Variants in ANKMY1 observed in about 807,000 individuals in gnomAD.
ANKMY1 encodes ankyrin repeat and MYND domain-containing protein 1.
Under a neutral mutation model 102.0 loss-of-function variants are expected in ANKMY1, and 98 were observed. That is an observed-to-expected ratio of 0.96 (90% confidence interval 0.82 to 1.14). The LOEUF is 1.14. ANKMY1 is among the 50% of genes most tolerant of loss of function. The pLI is 0.00. For missense variants in ANKMY1, 1,330 were observed against 1,347.6 expected, an observed-to-expected ratio of 0.99 and a Z score of 0.20; for synonymous variants, 582 against 559.9, an observed-to-expected ratio of 1.04 and a Z score of -0.56.
chr2:240,481,030 G>A lies in ANKMY1; in HGVS notation c.2953C>T (p.Arg985Cys), dbSNP rs762526200. 20 of 1,613,998 alleles carry A rather than the reference G, an allele frequency of 1.2e-5. No homozygotes were observed. The East Asian group carries it at 1.6e-4, about 13-fold the overall frequency. ...CTGCAGGTCAGGATCCCGTAGCAGC[G>A]AGGGCAGGGCAAGAGGCGGACCCCG... Reference protein sequence around the residue: ...SIGVRLLPCPRCYGILTCSKY... With the variant: ...SIGVRLLPCPCCYGILTCSKY... Residue 985 changes from arginine (R) to cysteine (C), a missense_variant, in exon 17 of 18, where the codon CGC (arginine) becomes TGC (cysteine). By Grantham distance (180) the Arg-to-Cys change is radical. Transcript: ENST00000401804.
Position 240,500,094 on chromosome 2 carries a change from G to A in ANKMY1, c.2670C>T (p.His890=), listed in dbSNP as rs1470150220. The change falls in exon 15 of 18, where the codon CAC becomes CAT. Residue 890 remains histidine, a synonymous_variant. Transcript: ENST00000401804. ...TCTCGCGCTCTGCTGGCATCAGCGT[G>A]TGGAAGGGGCAGCGGGCAATCCTCC... ...QDRRIARCPF[H]TLMPAERETF... is the part of the protein sequence containing the mutation. 6.2e-7 allele frequency: 1 copy of A among 1,609,464 alleles called. No homozygotes were observed. The highest frequency in any genetic ancestry group is 8.5e-7 in the Non-Finnish European group (1 of 1,178,268).
In ANKMY1 at chr2:240,482,239, C is replaced by T. The variant is rs116348675; in HGVS notation, c.2829G>A (p.Arg943=). Residue 943 remains arginine (R), a synonymous_variant, in exon 16 of 18, where the codon AGG becomes AGA. Coordinates refer to ENST00000401804, the MANE Select transcript of ANKMY1 (RefSeq NM_001282771.3). ...CKRAELIPSH[R]MKKKGPSLPR... is the part of the protein sequence containing the mutation. ...GCAGGCTGGGGCCCTTCTTCTTCAT[C>T]CTGTGGCTGGGGATCAGCTCCGCTG... 6.8e-3 allele frequency: 11,041 copies of T among 1,612,866 alleles called. 56 individuals are homozygous for T. The highest frequency in any genetic ancestry group is 8.0e-3 in the Non-Finnish European group (9,473 of 1,179,438).
At chr2:240,539,044 T>C (rs1024700318) in intron 4 of ANKMY1, among the ~76,000 whole-genome samples, 157 of 152,290 alleles carry the variant, frequency 1.0e-3, no homozygotes, top group African/African-American at 3.7e-3. Context: ...AATGGACCAA[T>C]CAGCAGGATG....
In ANKMY1 at chr2:240,513,055, T is replaced by G. The variant is rs2080543882; in HGVS notation, c.2005-113A>C. The G allele has an allele frequency of 7.1e-6, 10 of 1,411,676 alleles. No homozygotes were observed. In the South Asian group the frequency reaches 1.4e-4, roughly 20 times the overall value. The allele number at this position is 1,411,676 out of a possible 1,614,324, so 87.4% of individuals were successfully genotyped here. A position where few individuals can be genotyped will look rare whatever the true frequency, so the allele number is the denominator to read the frequency against. On this transcript the variant is annotated intron_variant, in intron 9 of 17. Transcript: ENST00000401804. ...AATGGCTGAGACTCCAAGGGCACCA[T>G]TCTCAGCCTCACCTGCCTCACAACG...
rs1172399149 is a variant in ANKMY1 at position 240,482,242 on chromosome 2, G to C, written c.2826C>G (p.His942Gln). Residue 942 changes from histidine (H) to glutamine (Q), a missense_variant, in exon 16 of 18, where the codon CAC becomes CAG. Transcript: ENST00000401804. ...GGCTGGGGCCCTTCTTCTTCATCCT[G>C]TGGCTGGGGATCAGCTCCGCTGCAT... ...LCKRAELIPS[H>Q]RMKKKGPSLP... 2 of 1,612,696 alleles carry C rather than the reference G, an allele frequency of 1.2e-6. No individual in the cohort carries two copies. The highest frequency in any genetic ancestry group is 1.7e-6 in the Non-Finnish European group (2 of 1,179,442).
intron 4 of ANKMY1, among the ~76,000 whole-genome samples, chr2:240,540,530 G>A (rs1272408357): frequency 6.6e-6 from 1 of 152,094 alleles, no homozygotes. Flanking sequence ...GAGACTCCAG[G>A]CCCCTCATTC....
chr2:240,529,068 C>T lies in ANKMY1; in HGVS notation c.922G>A (p.Val308Ile). 1 of 1,614,122 alleles carries T rather than the reference C, an allele frequency of 6.2e-7. No individual in the cohort carries two copies. Among genetic ancestry groups the T allele is most frequent in the Non-Finnish European group, 8.5e-7 (1 of 1,180,010 alleles). ...WFIINETPLL[V>I]KIQKQTYKFR... ...TTGTAAGTTTGCTTCTGGATTTTGACCAACAAAGGGGTCTCATTGATTATG... is the reference window on the plus strand; with the variant it reads ...TTGTAAGTTTGCTTCTGGATTTTGATCAACAAAGGGGTCTCATTGATTATG... Residue 308 changes from valine to isoleucine, a missense_variant, in exon 5 of 18, where the codon GTC (valine) becomes ATC (isoleucine). Physicochemically the swap from Val to Ile is conservative, Grantham distance 29. Transcript: ENST00000401804. The surrounding 1 kb of genome is among the most constrained non-coding windows in gnomAD (Gnocchi z 4.2).
chr2:240,528,381 A>C (rs1324314845), intron 5 of ANKMY1, among the ~76,000 whole-genome samples: 1 of 147,432 alleles, frequency 6.8e-6, no homozygotes. Flanking sequence ...TTTTTGGAAG[A>C]CCAACAGAGC....
At chr2:240,537,042 G>A (rs1440797678) in intron 4 of ANKMY1, among the ~76,000 whole-genome samples, 3 of 150,648 alleles carry the variant, frequency 2.0e-5, no homozygotes. Flanking sequence ...CACTTTCAAC[G>A]AAAAAGAAAA....
intron 15 of ANKMY1, among the ~76,000 whole-genome samples, chr2:240,484,679 C>T (rs2075837587): frequency 6.6e-6 from 1 of 152,136 alleles, no homozygotes. Flanking sequence ...AAAGCAATGG[C>T]AACAAAAGCC....
At chr2:240,512,065 C>G in intron 10 of ANKMY1, 64 bp from the exon 11 acceptor site, 3 of 1,474,930 alleles carry the variant, frequency 2.0e-6, no homozygotes, top group East Asian at 5.4e-5. Context: ...GGAAGGCAAA[C>G]GGAGCAAGGG....
At position 240,546,617 on chromosome 2, in the gene ANKMY1, T is replaced by C. The variant is rs983886631; in HGVS notation, c.480+6297A>G. 5.2e-4 allele frequency among the ~76,000 whole-genome samples: 79 copies of C among 152,012 alleles called. 1 individual carries two copies. The highest frequency in any genetic ancestry group is 1.5e-3 in the African/African-American group (63 of 41,426). The stretch of plus-strand genomic sequence containing the variant: ...CAGTGTGCTGTATTCAGGAAACCCA[T>C]CCCACGTGCAGAGACACACATAGGC... On this transcript the variant is annotated intron_variant, in intron 4 of 17. Transcript: ENST00000401804.
At chr2:240,514,171 T>C (rs1455053604) in intron 9 of ANKMY1, among the ~76,000 whole-genome samples, 7 of 152,168 alleles carry the variant, frequency 4.6e-5, no homozygotes, top group Non-Finnish European at 5.9e-5. Context: ...CAGGAAATGA[T>C]TAAGCTGAGG....
intron 8 of ANKMY1, among the ~76,000 whole-genome samples, chr2:240,521,491 CTTTTT>C (rs1162330484): frequency 8.6e-5 from 6 of 69,624 alleles, no homozygotes; most frequent in African/African-American, 1.8e-4. Flanking sequence ...GGTGTTACAG[CTTTTT>C]TTTTTTTTTT....
chr2:240,545,674 T>C (rs1559373104), intron 4 of ANKMY1, among the ~76,000 whole-genome samples: 1 of 151,958 alleles, frequency 6.6e-6, no homozygotes, highest in Non-Finnish European at 1.5e-5. Context: ...AAGGAGCTGA[T>C]GGAGCTGAAA....
intron 5 of ANKMY1, chr2:240,527,661 G>GGT (rs2084019715): frequency 9.2e-5 from 1 of 10,844 alleles, no homozygotes; most frequent in Admixed American, 1.1e-3. Flanking sequence ...TGGGTGGGTG[G>GGT]ACAAATGGGT....
At chr2:240,536,497 A>G (rs1370973901) in intron 4 of ANKMY1, among the ~76,000 whole-genome samples, 1 of 152,204 alleles carries the variant, frequency 6.6e-6, no homozygotes, top group Non-Finnish European at 1.5e-5. Context: ...GCCACAGTGC[A>G]ATGCCACTGC....
At chr2:240,531,352 A>G (rs996520405) in intron 4 of ANKMY1, among the ~76,000 whole-genome samples, 2 of 152,242 alleles carry the variant, frequency 1.3e-5, no homozygotes, top group South Asian at 2.1e-4. Flanking sequence ...AATGTACCAT[A>G]CACTTACTGT....
chr2:240,557,325 G>GC lies in ANKMY1; in HGVS notation c.10dup (p.Ala4GlyfsTer6), dbSNP rs754731541. On this transcript the variant is annotated frameshift_variant, in exon 2 of 18. Coordinates refer to ENST00000401804, the MANE Select transcript of ANKMY1 (RefSeq NM_001282771.3). LOFTEE classifies it high-confidence loss of function. ...GTCCTCTAAGCTAAGGGAGGCATGG[G>GC]CCCCTTCCATGTCTGTGGTCTTCCA... 1.3e-6 allele frequency: 2 copies of GC among 1,567,444 alleles called. No homozygotes were observed. Among genetic ancestry groups the GC allele is most frequent in the Non-Finnish European group, 1.7e-6 (2 of 1,153,554 alleles).
Sources: gnomAD v4.1 joint callset for allele counts (sites outside exome capture counted in the v4.1 genomes callset) on GRCh38, gnomAD v4.1.1 for gene constraint, Gnocchi (gnomAD v3.1) non-coding constraint, MANE v1.5 for transcripts, NCBI Gene and HGNC (gene_info 2026-07-23, HGNC 2026-07-21) for gene names.